The following BTC variants were observed in gnomAD, a reference collection of about 807,000 sequenced individuals.
The protein encoded by BTC is probetacellulin.
BTC carries 13 observed loss-of-function variants against 18.1 expected under a neutral mutation model. That is an observed-to-expected ratio of 0.72 (90% CI 0.47 to 1.14). The LOEUF is 1.14. BTC is among the 50% of genes most tolerant of loss of function. BTC has a pLI of 0.00. For missense variants in BTC, 247 were observed against 224.2 expected (o/e 1.10, Z -0.65); for synonymous variants, 83 against 79.4 (o/e 1.05, Z -0.24).
intron 2 of BTC, among the ~76,000 whole-genome samples, chr4:74,757,027 C>T (rs912231290): frequency 6.6e-6 from 1 of 152,184 alleles, no homozygotes; most frequent in African/African-American, 2.4e-5. Context: ...CCAGCTCCAG[C>T]CCAGGGTCAA....
chr4:74,772,091 T>C (rs1257264018), intron 1 of BTC, among the ~76,000 whole-genome samples: 1 of 152,194 alleles, frequency 6.6e-6, no homozygotes, highest in African/African-American at 2.4e-5. Context: ...TTTGTGTATG[T>C]GAGTTTAAGT....
At chr4:74,752,123 C>T (rs965882262) in intron 3 of BTC, among the ~76,000 whole-genome samples, 1 of 151,976 alleles carries the variant, frequency 6.6e-6, no homozygotes, top group Non-Finnish European at 1.5e-5. Flanking sequence ...GACAGTGCTT[C>T]AAAACAAATA....
chr4:74,755,862 CAGG>C lies in BTC; in HGVS notation c.275_277del (p.Ser92del). 3 of 1,614,008 alleles carry C rather than the reference CAGG, an allele frequency of 1.9e-6. No individual in the cohort carries two copies. The highest frequency in any genetic ancestry group is 2.5e-6 in the Non-Finnish European group (3 of 1,179,922). On this transcript the variant is annotated inframe_deletion, in exon 3 of 6. Transcript: ENST00000395743. ...TGGCTGAGGACACTCCACTTACACA[CAGG>C]AGGGCGTCTGCTCGGCCACCACGAA...
intron 2 of BTC, among the ~76,000 whole-genome samples, chr4:74,768,498 AGTC>A: frequency 6.6e-6 from 1 of 152,292 alleles, no homozygotes; most frequent in African/African-American, 2.4e-5. Context: ...GAAATAAGAC[AGTC>A]ACAGAAAGAC....
intron 1 of BTC, among the ~76,000 whole-genome samples, chr4:74,781,332 G>A (rs1393312403): frequency 6.6e-6 from 1 of 151,762 alleles, no homozygotes; most frequent in Non-Finnish European, 1.5e-5. Flanking sequence ...ACTCTCATAA[G>A]CCAAAGCTTG....
chr4:74,778,318 A>T (rs1413860008), intron 1 of BTC, among the ~76,000 whole-genome samples: 1 of 152,174 alleles, frequency 6.6e-6, no homozygotes, highest in African/African-American at 2.4e-5. Context: ...CAAAAGAAAC[A>T]CTCTAAAATC....
intron 2 of BTC, among the ~76,000 whole-genome samples, chr4:74,768,952 C>A (rs1000210775): frequency 5.3e-5 from 8 of 152,088 alleles, no homozygotes; most frequent in African/African-American, 1.9e-4. Flanking sequence ...TGACAAGACC[C>A]AAACATGACC....
At chr4:74,749,729 T>G in intron 4 of BTC, among the ~76,000 whole-genome samples, 1 of 112,600 alleles carries the variant, frequency 8.9e-6, no homozygotes, top group African/African-American at 3.3e-5. Flanking sequence ...GCATACTTGG[T>G]GTTAGTCCTG....
chr4:74,763,066 CCA>C (rs1393217021), intron 2 of BTC, among the ~76,000 whole-genome samples: 4 of 152,124 alleles, frequency 2.6e-5, no homozygotes, highest in Non-Finnish European at 5.9e-5. Context: ...CAACATTTGT[CCA>C]CACATAGACA....
At chr4:74,769,722 T>C (rs555685148) in intron 2 of BTC, among the ~76,000 whole-genome samples, 7 of 152,300 alleles carry the variant, frequency 4.6e-5, no homozygotes, top group African/African-American at 1.7e-4. Flanking sequence ...CATCACATGC[T>C]AGAGTCTGGA....
At chr4:74,794,174 G>A in intron 1 of BTC, 88 bp downstream of exon 1, 1 of 1,509,748 alleles carries the variant, frequency 6.6e-7, no homozygotes. Context: ...CTCTTGTCCA[G>A]ATGCCAGCTC....
intron 2 of BTC, 63 bp from the exon 3 acceptor site, chr4:74,756,039 C>T: frequency 1.5e-6 from 2 of 1,327,900 alleles, no homozygotes; most frequent in Non-Finnish European, 2.2e-6. Flanking sequence ...TAAATAGAAT[C>T]ATATTCTTAT....
chr4:74,790,966 C>A (rs1043608462), intron 1 of BTC, among the ~76,000 whole-genome samples: 1 of 152,120 alleles, frequency 6.6e-6, no homozygotes, highest in East Asian at 1.9e-4. Flanking sequence ...TTAAATAAGT[C>A]AAAAGAAATG....
chr4:74,747,296 G>A (rs1336856680), intron 5 of BTC, among the ~76,000 whole-genome samples: 1 of 152,130 alleles, frequency 6.6e-6, no homozygotes, highest in Non-Finnish European at 1.5e-5. Flanking sequence ...CTGGTTTCTG[G>A]TGGGTTTAGC....
chr4:74,780,808 G>A (rs545012129), intron 1 of BTC, among the ~76,000 whole-genome samples: 1 of 151,608 alleles, frequency 6.6e-6, no homozygotes, highest in Admixed American at 6.6e-5. Context: ...AAGCTCAATT[G>A]TCTTTTTAAA....
chr4:74,746,439 T>G lies in BTC; in HGVS notation c.*238A>C, dbSNP rs1164546957. On this transcript the variant is annotated 3_prime_UTR_variant, in exon 6 of 6. Transcript: ENST00000395743. ...ATACTTAAGTGAAAGGTTATTGAAATTTCCCTTCTGTTGTTGCTACCTAAC... is the reference window on the plus strand; with the variant it reads ...ATACTTAAGTGAAAGGTTATTGAAAGTTCCCTTCTGTTGTTGCTACCTAAC... 6.6e-6 allele frequency: 1 copy of G among 152,644 alleles called. No homozygotes were observed. The highest frequency in any genetic ancestry group is 6.5e-5 in the Admixed American group (1 of 15,280). The allele number at this position is 152,644 out of a possible 1,614,324, so 9.5% of individuals were successfully genotyped here.
intron 1 of BTC, among the ~76,000 whole-genome samples, chr4:74,793,422 C>T (rs1165254323): frequency 2.6e-5 from 4 of 152,198 alleles, no homozygotes; most frequent in African/African-American, 9.7e-5. Flanking sequence ...ATCGTGGTGA[C>T]ACTTCAGCTG....
chr4:74,750,605 A>G lies in BTC; in HGVS notation c.396T>C (p.Ile132=). 1 of 1,613,726 alleles carries G rather than the reference A, an allele frequency of 6.2e-7. No homozygotes were observed. Among genetic ancestry groups the G allele is most frequent in the Non-Finnish European group, 8.5e-7 (1 of 1,179,876 alleles). Residue 132 remains isoleucine (I), a synonymous_variant, in exon 4 of 6, where the codon ATT becomes ATC. Coordinates refer to ENST00000395743, the MANE Select transcript of BTC (RefSeq NM_001729.4). ...ATGTGCAGACACCGATGACCAAAATAATAAAAACTACCATAACTGCTATCA... is the reference window on the plus strand; with the variant it reads ...ATGTGCAGACACCGATGACCAAAATGATAAAAACTACCATAACTGCTATCA... The part of the protein sequence containing the change: ...ICLIAVMVVF[I]ILVIGVCTCC...
chr4:74,790,275 A>C (rs1725586299), intron 1 of BTC, among the ~76,000 whole-genome samples: 1 of 152,214 alleles, frequency 6.6e-6, no homozygotes, highest in African/African-American at 2.4e-5. Context: ...CTATTATAAT[A>C]ACTCATGCTT....
Sources: allele counts gnomAD v4.1 joint callset (sites outside exome capture counted in the v4.1 genomes callset), GRCh38; gene constraint gnomAD v4.1.1; transcripts MANE v1.5; gene names NCBI Gene and HGNC (gene_info 2026-07-23, HGNC 2026-07-21).